The following ZNF570 variants were observed in gnomAD, a reference collection of about 807,000 sequenced individuals.
ZNF570 encodes zinc finger protein 570.
In ZNF570, 8 loss-of-function variants were observed where a neutral mutation model predicts 14.2. The observed-to-expected ratio is 0.56, with a 90% CI of 0.33 to 1.02. The LOEUF (loss-of-function observed/expected upper bound fraction) is 1.02. ZNF570 is among the 50% of genes least tolerant of loss of function. ZNF570 has a pLI of 0.03. For synonymous variants in ZNF570, 202 were observed against 207.6 expected, an observed-to-expected ratio of 0.97 and a Z score of 0.23; for missense variants, 559 against 624.9, an observed-to-expected ratio of 0.89 and a Z score of 1.12.
At position 37,484,529 on chromosome 19, in the gene ZNF570, G is replaced by C. The variant is rs547800949; in HGVS notation, c.907G>C (p.Glu303Gln). The C allele has an allele frequency of 1.9e-6, 3 of 1,613,636 alleles. No homozygotes were observed. In the South Asian group the frequency reaches 3.3e-5, roughly 18 times the overall value. The change falls in exon 5 of 5, where the codon GAA (glutamate) becomes CAA (glutamine). Residue 303 changes from glutamate (E) to glutamine (Q), a missense_variant. By Grantham distance (29) the Glu-to-Gln change is conservative. Transcript: ENST00000330173. ...LRVHTGEKPYECKVCRKAFSQ... is the reference protein window; with the variant it reads ...LRVHTGEKPYQCKVCRKAFSQ... ...AGTTCATACTGGAGAAAAACCTTAC[G>C]AATGTAAGGTATGTCGAAAAGCCTT...
intron 4 of ZNF570, among the ~76,000 whole-genome samples, chr19:37,482,529 G>A (rs773185195): frequency 5.3e-5 from 8 of 152,128 alleles, no homozygotes; most frequent in Non-Finnish European, 8.8e-5. Context: ...TAAACCATTC[G>A]TGAGGACTCC....
At chr19:37,470,417 T>C (rs760075931) in intron 2 of ZNF570, 30 bp downstream of exon 2, 2 of 1,603,204 alleles carry the variant, frequency 1.2e-6, no homozygotes, top group Non-Finnish European at 1.7e-6. Context: ...ATTTCCTGAA[T>C]ACCTGTCTGC....
chr19:37,471,709 G>A (rs890664730), intron 2 of ZNF570, among the ~76,000 whole-genome samples: 38 of 152,126 alleles, frequency 2.5e-4, no homozygotes, highest in East Asian at 1.9e-4. Flanking sequence ...AGCCATTGGC[G>A]GTTTTGGAAC....
intron 2 of ZNF570, among the ~76,000 whole-genome samples, chr19:37,474,096 GA>G (rs1490031857): frequency 2.0e-5 from 3 of 152,152 alleles, no homozygotes; most frequent in African/African-American, 7.2e-5. Context: ...TTTAAGGGCA[GA>G]AAGAAAACAG....
upstream of ZNF570, chr19:37,469,318 GC>G: frequency 7.1e-7 from 1 of 1,414,236 alleles, no homozygotes; most frequent in Admixed American, 3.0e-5. Context: ...TGGGCCGGCG[GC>G]CCCTTTGTGT....
At position 37,484,580 on chromosome 19, in the gene ZNF570, C is replaced by T; in HGVS notation, c.958C>T (p.His320Tyr). ...CAGCCAGTTTGCCTACCTTGCTCAA[C>T]ATCAGAGAGTTCACACGGGAGAGAA... ...AFSQFAYLAQ[H>Y]QRVHTGEKPY... Residue 320 changes from histidine (H) to tyrosine (Y), a missense_variant, in exon 5 of 5, where the codon CAT becomes TAT. Physicochemically the swap from His to Tyr is moderately conservative, Grantham distance 83 (BLOSUM62 2). Transcript: ENST00000330173. 1 of 1,614,158 alleles carries T rather than the reference C, an allele frequency of 6.2e-7. No homozygotes were observed. Among genetic ancestry groups the T allele is most frequent in the South Asian group, 1.1e-5 (1 of 91,078 alleles).
At position 37,470,366 on chromosome 19, in the gene ZNF570, G is replaced by A. The variant is rs933650418; in HGVS notation, c.12G>A (p.Gly4=). 1 of 1,614,070 alleles carries A rather than the reference G, an allele frequency of 6.2e-7. No individual in the cohort carries two copies. Among genetic ancestry groups the A allele is most frequent in the Non-Finnish European group, 8.5e-7 (1 of 1,179,944 alleles). The part of the protein sequence containing the change: MAV[G]LLKAMYQELV... Reference sequence around the variant, plus strand: ...AGGAGGAAGAAAGAATGGCTGTTGGGCTTCTTAAAGCCATGTACCAGGTGT... The same window carrying A: ...AGGAGGAAGAAAGAATGGCTGTTGGACTTCTTAAAGCCATGTACCAGGTGT... The change falls in exon 2 of 5, where the codon GGG becomes GGA. Residue 4 remains glycine (G), a synonymous_variant. Transcript: ENST00000330173.
At chr19:37,470,635 G>T (rs2041942512) in intron 2 of ZNF570, among the ~76,000 whole-genome samples, 1 of 150,340 alleles carries the variant, frequency 6.7e-6, no homozygotes. Context: ...CTTTAACTCA[G>T]TCACTCAGTT....
In ZNF570 at chr19:37,486,214, GTCT is replaced by G. The variant is rs1376018822; in HGVS notation, c.*989_*991del. The G allele has an allele frequency of 2.0e-5, 3 of 151,130 alleles. No individual in the cohort carries two copies. Among genetic ancestry groups the G allele is most frequent in the Admixed American group, 6.6e-5 (1 of 15,140 alleles). 9.4% of individuals were successfully genotyped at this position (151,130 alleles called of 1,614,324 possible). A position where few individuals can be genotyped will look rare whatever the true frequency, so the allele number is the denominator to read the frequency against. On this transcript the variant is annotated 3_prime_UTR_variant, in exon 5 of 5. Coordinates refer to ENST00000330173, the MANE Select transcript of ZNF570 (RefSeq NM_144694.5). ...CACCATTCAGCCTTATTTTATTCCA[GTCT>G]TCTTCTTTGGGCACTAGGCACTTCC...
In ZNF570 at chr19:37,485,324, T is replaced by TATCTTTCAAATTACTA; in HGVS notation, c.*93_*94insCTTTCAAATTACTAAT. On this transcript the variant is annotated 3_prime_UTR_variant, in exon 5 of 5. Transcript: ENST00000330173. ...TGATTCATCTCACTCTGATTACTAA[T>TATCTTTCAAATTACTA]ATAGCTTTCAAACAGGTTTTCCTGT... The TATCTTTCAAATTACTA allele has an allele frequency of 7.9e-7, 1 of 1,258,566 alleles. No individual in the cohort carries two copies. The highest frequency in any genetic ancestry group is 1.9e-5 in the South Asian group (1 of 51,676). 78.0% of individuals were successfully genotyped at this position (1,258,566 alleles called of 1,614,324 possible). A position where few individuals can be genotyped will look rare whatever the true frequency, so the allele number is the denominator to read the frequency against.
Position 37,469,512 on chromosome 19 carries a change from CG to C in ZNF570, c.-95del. The C allele has an allele frequency of 6.5e-7, 1 of 1,536,192 alleles. No individual in the cohort carries two copies. Among genetic ancestry groups the C allele is most frequent in the Non-Finnish European group, 8.7e-7 (1 of 1,146,826 alleles). On this transcript the variant is annotated 5_prime_UTR_variant, in exon 1 of 5. Transcript: ENST00000330173. ...GGCTGAGGAGTGGCGTGTGGGTCTC[CG>C]GAAGCTCGTCGCAGGCCATCTGTGT...
Position 37,470,462 on chromosome 19 carries a change from C to T in ZNF570, c.33+75C>T, listed in dbSNP as rs141197037. The T allele has an allele frequency of 1.2e-4, 167 of 1,427,628 alleles. No individual in the cohort carries two copies. In the East Asian group the frequency reaches 3.9e-3, roughly 33 times the overall value. The allele number at this position is 1,427,628 out of a possible 1,614,324, so 88.4% of individuals were successfully genotyped here. ...CAAGCAGGTACTAATTTTCCTTCTGCTGAAACGTTTCTGGGTAACCAGTCA... is the reference window on the plus strand; with the variant it reads ...CAAGCAGGTACTAATTTTCCTTCTGTTGAAACGTTTCTGGGTAACCAGTCA... On this transcript the variant is annotated intron_variant, in intron 2 of 4. Transcript: ENST00000330173.
At chr19:37,476,222 A>G (rs1245462660) in intron 3 of ZNF570, 117 bp from the exon 4 acceptor site, 6 of 1,334,816 alleles carry the variant, frequency 4.5e-6, no homozygotes, top group Admixed American at 2.5e-5. Context: ...TGTCCTTTAC[A>G]CATTTCTCTT....
chr19:37,471,069 A>G (rs1426243143), intron 2 of ZNF570, among the ~76,000 whole-genome samples: 3 of 136,140 alleles, frequency 2.2e-5, no homozygotes, highest in African/African-American at 5.8e-5. Context: ...GCTGGAGTAC[A>G]GTGGCACGAT....
upstream of ZNF570, chr19:37,468,123 T>G: frequency 1.6e-6 from 1 of 623,606 alleles, no homozygotes; most frequent in Non-Finnish European, 2.8e-6. Flanking sequence ...CTCACTTTGT[T>G]GCCCAGGCTG....
rs1207577688 is a variant in ZNF570, at chr19:37,487,447, T to G, written c.*2214T>G. On this transcript the variant is annotated 3_prime_UTR_variant, in exon 5 of 5. Transcript: ENST00000330173. The stretch of plus-strand genomic sequence containing the variant: ...TAATTACTGTTTGTCAGACACTGTT[T>G]TAGGTATGAGGAAATGACAGTGAGC... 6.6e-6 allele frequency: 1 copy of G among 152,152 alleles called. No individual in the cohort carries two copies. The highest frequency in any genetic ancestry group is 1.5e-5 in the Non-Finnish European group (1 of 68,022). The allele number at this position is 152,152 out of a possible 1,614,324, so 9.4% of individuals were successfully genotyped here. A position where few individuals can be genotyped will look rare whatever the true frequency, so the allele number is the denominator to read the frequency against.
chr19:37,470,829 A>G (rs1324123750), intron 2 of ZNF570, among the ~76,000 whole-genome samples: 1 of 148,242 alleles, frequency 6.7e-6, no homozygotes, highest in Non-Finnish European at 1.5e-5. Context: ...CCTCCCGAGT[A>G]GCTGGGACGA....
At chr19:37,479,800 T>C (rs1279325474) in intron 4 of ZNF570, among the ~76,000 whole-genome samples, 1 of 152,192 alleles carries the variant, frequency 6.6e-6, no homozygotes, top group East Asian at 1.9e-4. Flanking sequence ...TTGTTATAGC[T>C]ATATTTGCCT....
intron 4 of ZNF570, among the ~76,000 whole-genome samples, chr19:37,480,341 G>A (rs920809468): frequency 6.6e-6 from 1 of 151,946 alleles, no homozygotes; most frequent in African/African-American, 2.4e-5. Flanking sequence ...AAAATTAGCT[G>A]GGCGTGGTGG....
Sources: gnomAD v4.1 joint callset for allele counts (sites outside exome capture counted in the v4.1 genomes callset) on GRCh38, gnomAD v4.1.1 for gene constraint, MANE v1.5 for transcripts, NCBI Gene and HGNC (gene_info 2026-07-23, HGNC 2026-07-21) for gene names.